FRMD8: variants seen among roughly 807,000 people sequenced by gnomAD.
FRMD8 encodes FERM domain containing 8.
FRMD8 carries 37 observed loss-of-function variants against 54.2 expected under a neutral mutation model. The observed-to-expected ratio is 0.68, with a 90% confidence interval of 0.53 to 0.90. FRMD8 has a LOEUF of 0.90. Among genes scored for constraint, FRMD8 ranks in the 40% least tolerant of loss-of-function variants. The probability of loss-of-function intolerance (pLI) is 0.00; values close to 1 mark genes in which losing one functional copy is unlikely to be tolerated. For synonymous variants in FRMD8, 246 were observed against 286.9 expected (o/e 0.86, Z 1.44); for missense variants, 585 against 653.7 (o/e 0.89, Z 1.15).
At chr11:65,380,115 A>T in the FRMD8 span, 1 of 1,612,130 alleles carries the variant, frequency 6.2e-7, no homozygotes, top group Admixed American at 1.7e-5. Flanking sequence ...TTCCTCTGGC[A>T]GCTCTCCTAA....
At chr11:65,391,070 C>T (rs770939176) in intron 3 of FRMD8, among the ~76,000 whole-genome samples, 1 of 152,274 alleles carries the variant, frequency 6.6e-6, no homozygotes, top group South Asian at 2.1e-4. Context: ...ACAGATGCCC[C>T]AGGGCCGTGA....
intron 3 of FRMD8, 58 bp downstream of exon 3, chr11:65,389,586 A>G: frequency 6.7e-7 from 1 of 1,485,260 alleles, no homozygotes; most frequent in Non-Finnish European, 9.0e-7. Flanking sequence ...TGACCAGTAC[A>G]GGAGGGAGGG....
chr11:65,400,867 G>GA lies in FRMD8; in HGVS notation c.1071_1071+1insA (p.Ala358SerfsTer9). The GA allele has an allele frequency of 6.2e-7, 1 of 1,600,198 alleles. No individual in the cohort carries two copies. Among genetic ancestry groups the GA allele is most frequent in the Non-Finnish European group, 8.5e-7 (1 of 1,172,472 alleles). ...AGCTCCTCAAGATCTACTCCAAGCA[G>GA]GTAGCGCGGGTGGTGCCTGCACACG... On this transcript the variant is annotated frameshift_variant and splice_region_variant. Transcript: ENST00000317568. LOFTEE classifies it high-confidence loss of function. The surrounding 1 kb of genome is among the most constrained non-coding windows in gnomAD (Gnocchi z 4.3).
intron 6 of FRMD8, among the ~76,000 whole-genome samples, chr11:65,395,246 T>TAAA (rs895407697): frequency 1.4e-5 from 2 of 138,540 alleles, no homozygotes; most frequent in African/African-American, 5.4e-5. Context: ...GACTCTGTCT[T>TAAA]AAAAAAAAAA....
At chr11:65,382,088 C>T, upstream of FRMD8, 1 of 786,398 alleles carries the variant, frequency 1.3e-6, no homozygotes, top group East Asian at 2.6e-5. This position sits in a 1 kb window ranked among gnomAD's most constrained non-coding sequence, Gnocchi z 4.4. Flanking sequence ...GCCTGGTGCC[C>T]AGACCTCCGG....
chr11:65,410,556 C>T (rs1293446714), intron 10 of FRMD8, among the ~76,000 whole-genome samples: 2 of 151,894 alleles, frequency 1.3e-5, no homozygotes, highest in Non-Finnish European at 2.9e-5. Context: ...TTTGGGAGGC[C>T]GAGGCAGGCA....
the FRMD8 span, among the ~76,000 whole-genome samples, chr11:65,371,748 G>C: frequency 1.3e-5 from 2 of 152,136 alleles, no homozygotes; most frequent in African/African-American, 4.8e-5. Context: ...CCAAGTAACT[G>C]TGACTACAGG....
chr11:65,389,625 C>G, intron 3 of FRMD8, 97 bp downstream of exon 3: 1 of 1,250,582 alleles, frequency 8.0e-7, no homozygotes, highest in Non-Finnish European at 1.1e-6. Context: ...TGGGGAGCCG[C>G]TGGCCACTGC....
chr11:65,395,246 TAAAAAA>T (rs895407697), intron 6 of FRMD8, among the ~76,000 whole-genome samples: 3 of 138,540 alleles, frequency 2.2e-5, no homozygotes, highest in African/African-American at 8.0e-5. Context: ...GACTCTGTCT[TAAAAAA>T]AAAAAAAATG....
At chr11:65,381,553 CCT>C in the FRMD8 span, 1 of 264,338 alleles carries the variant, frequency 3.8e-6, no homozygotes, top group Non-Finnish European at 7.4e-6. Context: ...GCCACCATGC[CCT>C]GATTCTTTTT....
chr11:65,386,064 G>A (rs1268990109), upstream of FRMD8, among the ~76,000 whole-genome samples: 2 of 152,162 alleles, frequency 1.3e-5, no homozygotes, highest in African/African-American at 4.8e-5. Context: ...CCAAAGTGCT[G>A]GGATTACAGG....
chr11:65,371,185 C>G, the FRMD8 span, among the ~76,000 whole-genome samples: 1 of 152,132 alleles, frequency 6.6e-6, no homozygotes, highest in Non-Finnish European at 1.5e-5. Context: ...TTTCCTGAGT[C>G]TGGTCAAAGT....
chr11:65,405,911 AG>A (rs1251330163), intron 10 of FRMD8, among the ~76,000 whole-genome samples: 1 of 152,140 alleles, frequency 6.6e-6, no homozygotes. Flanking sequence ...CTGATGAGGC[AG>A]GAGTATCTCT....
intron 1 of FRMD8, 127 bp downstream of exon 1, chr11:65,386,888 C>T (rs1855743046): frequency 1.4e-6 from 1 of 689,902 alleles, no homozygotes; most frequent in Non-Finnish European, 2.5e-6. Context: ...CACCAGCGCC[C>T]GGTCTGCACT....
At chr11:65,395,546 G>GA (rs1320012213) in intron 6 of FRMD8, among the ~76,000 whole-genome samples, 5 of 151,664 alleles carry the variant, frequency 3.3e-5, no homozygotes, top group African/African-American at 7.3e-5. Flanking sequence ...TCTCAAAAAA[G>GA]AAAAAAAAGG....
chr11:65,382,517 C>A (rs924177502), upstream of FRMD8: 1 of 155,728 alleles, frequency 6.4e-6, no homozygotes, highest in African/African-American at 2.4e-5. This position sits in a 1 kb window ranked among gnomAD's most constrained non-coding sequence, Gnocchi z 4.4. Flanking sequence ...GGGTTGTTTA[C>A]GACTCCCCCG....
chr11:65,390,438 C>T (rs574464164), intron 3 of FRMD8, among the ~76,000 whole-genome samples: 41 of 152,244 alleles, frequency 2.7e-4, no homozygotes, highest in Non-Finnish European at 4.7e-4. Flanking sequence ...TGAGGGAGTG[C>T]GTAGGACAGC....
chr11:65,400,944 A>T lies in FRMD8; in HGVS notation c.1071+77A>T. ...TGGGTCCCAGACAATTAGAGGCACC[A>T]GGCTGGCGGGCAAGGAGGTGAGAAG... On this transcript the variant is annotated intron_variant, in intron 9 of 10. Transcript: ENST00000317568. This position sits in a 1 kb window ranked among gnomAD's most constrained non-coding sequence, Gnocchi z 4.3. 6.8e-7 allele frequency: 1 copy of T among 1,467,334 alleles called. No homozygotes were observed. The highest frequency in any genetic ancestry group is 1.4e-5 in the African/African-American group (1 of 70,696). The allele number at this position is 1,467,334 out of a possible 1,614,324, so 90.9% of individuals were successfully genotyped here.
At chr11:65,379,708 C>T in the FRMD8 span, 411 of 1,241,080 alleles carry the variant, frequency 3.3e-4, 1 homozygote, top group South Asian at 5.0e-4. Context: ...GCTGAGGCTG[C>T]GCCTCTGGGG....
Sources: allele counts gnomAD v4.1 joint callset (sites outside exome capture counted in the v4.1 genomes callset), GRCh38; gene constraint gnomAD v4.1.1; non-coding constraint Gnocchi (gnomAD v3.1); transcripts MANE v1.5; gene names NCBI Gene and HGNC (gene_info 2026-07-23, HGNC 2026-07-21).